CDH12: variants seen among roughly 807,000 people sequenced by gnomAD.
CDH12 encodes the protein cadherin 12.
A neutral mutation model predicts 74.1 loss-of-function variants in CDH12; 41 were observed. The ratio of observed to expected loss-of-function variants is 0.55; its 90% CI spans 0.43 to 0.72. The LOEUF is 0.72. Among genes scored for constraint, CDH12 ranks in the 30% least tolerant of loss-of-function variants. CDH12 has a pLI of 0.00. For synonymous variants in CDH12, 399 were observed against 355.0 expected (o/e 1.12, Z -1.39); for missense variants, 945 against 977.2 (o/e 0.97, Z 0.44).
At chr5:21,900,639 G>A (rs895890847) in intron 6 of CDH12, among the ~76,000 whole-genome samples, 1 of 152,096 alleles carries the variant, frequency 6.6e-6, no homozygotes, top group Non-Finnish European at 1.5e-5. Context: ...TTCACTAAGG[G>A]TGGCCCATTT....
chr5:22,827,432 A>T (rs965575772), intron 1 of CDH12, among the ~76,000 whole-genome samples: 6 of 152,220 alleles, frequency 3.9e-5, no homozygotes, highest in South Asian at 2.1e-4. Context: ...CATTTATAAG[A>T]CTGTAAAGAG....
chr5:22,204,637 A>G (rs551759698), intron 4 of CDH12, among the ~76,000 whole-genome samples: 9 of 152,292 alleles, frequency 5.9e-5, no homozygotes, highest in East Asian at 3.9e-4. Flanking sequence ...ACAGGCATCA[A>G]TGAAGCTGCT....
intron 3 of CDH12, among the ~76,000 whole-genome samples, chr5:22,392,518 T>C (rs1742288548): frequency 6.6e-6 from 1 of 152,206 alleles, no homozygotes; most frequent in African/African-American, 2.4e-5. Context: ...TTATTAACAT[T>C]CGTCAGTGCT....
chr5:22,730,923 C>T (rs1744404694), intron 1 of CDH12, among the ~76,000 whole-genome samples: 1 of 151,704 alleles, frequency 6.6e-6, no homozygotes, highest in African/African-American at 2.4e-5. Flanking sequence ...CTTTATGTCG[C>T]TAATCAGATT....
intron 1 of CDH12, among the ~76,000 whole-genome samples, chr5:22,705,120 T>TAC (rs1162765230): frequency 9.7e-5 from 9 of 92,576 alleles, no homozygotes; most frequent in Admixed American, 2.1e-4. Flanking sequence ...CCCAGTCATA[T>TAC]ATATATATAT....
intron 1 of CDH12, among the ~76,000 whole-genome samples, chr5:22,546,228 G>A (rs1738321492): frequency 6.6e-6 from 1 of 152,062 alleles, no homozygotes; most frequent in African/African-American, 2.4e-5. Context: ...ACAGGCATGA[G>A]CCACCACACC....
At chr5:22,283,329 T>G (rs1464499719) in intron 3 of CDH12, among the ~76,000 whole-genome samples, 2 of 149,764 alleles carry the variant, frequency 1.3e-5, no homozygotes, top group Admixed American at 6.7e-5. Flanking sequence ...ACAGCATTTA[T>G]GTATATATCA....
chr5:22,309,382 T>G (rs1267689831), intron 3 of CDH12, among the ~76,000 whole-genome samples: 1 of 152,030 alleles, frequency 6.6e-6, no homozygotes, highest in African/African-American at 2.4e-5. Context: ...ACAGGTAAAA[T>G]AGTGGATGAA....
chr5:22,316,559 TG>T (rs1198581665), intron 3 of CDH12, among the ~76,000 whole-genome samples: 2 of 152,092 alleles, frequency 1.3e-5, no homozygotes, highest in Non-Finnish European at 2.9e-5. Flanking sequence ...ACCAAATACA[TG>T]ATGTGATTGA....
chr5:22,509,234 C>T (rs1736507888), intron 1 of CDH12, among the ~76,000 whole-genome samples: 1 of 152,156 alleles, frequency 6.6e-6, no homozygotes, highest in South Asian at 2.1e-4. Context: ...CTATTTCTTT[C>T]CCTTCAGACT....
At chr5:21,854,017 G>C (rs1750616508) in intron 7 of CDH12, among the ~76,000 whole-genome samples, 1 of 151,588 alleles carries the variant, frequency 6.6e-6, no homozygotes, top group South Asian at 2.1e-4. Context: ...TGATTGTTTA[G>C]AAATAGAGTG....
intron 6 of CDH12, among the ~76,000 whole-genome samples, chr5:21,895,688 C>A (rs886331687): frequency 3.7e-4 from 56 of 152,178 alleles, no homozygotes; most frequent in African/African-American, 1.4e-3. Context: ...CCACTGCCCC[C>A]CACCCAGTCA....
At chr5:22,433,973 G>A (rs974809343) in intron 2 of CDH12, among the ~76,000 whole-genome samples, 8 of 152,054 alleles carry the variant, frequency 5.3e-5, no homozygotes, top group African/African-American at 1.4e-4. Context: ...GCTTCTATAC[G>A]TTCTGTAAGT....
chr5:22,473,684 C>T (rs573916450), intron 2 of CDH12, among the ~76,000 whole-genome samples: 40 of 152,126 alleles, frequency 2.6e-4, no homozygotes, highest in Non-Finnish European at 4.1e-4. Flanking sequence ...TAAGTAAAGT[C>T]CTAACTAATG....
At chr5:22,117,059 A>G (rs1002402572) in intron 4 of CDH12, among the ~76,000 whole-genome samples, 1 of 151,606 alleles carries the variant, frequency 6.6e-6, no homozygotes, top group Non-Finnish European at 1.5e-5. Context: ...ATAAAGTCCA[A>G]TTCTAGGCCA....
chr5:22,261,660 G>C (rs55816890), intron 3 of CDH12, among the ~76,000 whole-genome samples: 277 of 151,916 alleles, frequency 1.8e-3, no homozygotes, highest in African/African-American at 6.4e-3. Context: ...AAACACTGGA[G>C]AAAAGTATTC....
At chr5:22,624,093 G>A (rs967628532) in intron 1 of CDH12, among the ~76,000 whole-genome samples, 1 of 152,126 alleles carries the variant, frequency 6.6e-6, no homozygotes, top group Non-Finnish European at 1.5e-5. Context: ...AAATGGTACT[G>A]GGAAAACTGG....
intron 1 of CDH12, among the ~76,000 whole-genome samples, chr5:22,573,544 T>C (rs562808567): frequency 1.3e-5 from 2 of 152,306 alleles, no homozygotes; most frequent in South Asian, 4.1e-4. Flanking sequence ...GAGATGGGTA[T>C]GTATTAACTC....
chr5:22,644,084 T>G (rs1739309134), intron 1 of CDH12, among the ~76,000 whole-genome samples: 1 of 152,074 alleles, frequency 6.6e-6, no homozygotes, highest in Admixed American at 6.6e-5. Flanking sequence ...CGGTGCTCCG[T>G]ATTCCCTGAG....
Sources: allele counts gnomAD v4.1 joint callset (sites outside exome capture counted in the v4.1 genomes callset), GRCh38; gene constraint gnomAD v4.1.1; transcripts MANE v1.5; gene names NCBI Gene and HGNC (gene_info 2026-07-23, HGNC 2026-07-21).